The following CHST9 variants were observed in gnomAD, a reference collection of about 807,000 sequenced individuals.
CHST9 encodes the protein carbohydrate sulfotransferase 9.
In CHST9, 41 loss-of-function variants were observed where a neutral mutation model predicts 44.4. The observed-to-expected ratio is 0.92, with a 90% CI of 0.72 to 1.20. The LOEUF (loss-of-function observed/expected upper bound fraction) is 1.20. Among genes scored for constraint, CHST9 ranks in the 50% most tolerant of loss-of-function variants. The pLI is 0.00. For missense variants in CHST9, 504 were observed against 516.5 expected (o/e 0.98, Z 0.23); for synonymous variants, 171 against 178.4 (o/e 0.96, Z 0.33).
At chr18:27,088,957 C>CT (rs2058039836) in intron 2 of CHST9, among the ~76,000 whole-genome samples, 2 of 152,134 alleles carry the variant, frequency 1.3e-5, no homozygotes, top group Non-Finnish European at 2.9e-5. Context: ...GGAGAAAAGG[C>CT]TACCCTTCAG....
intron 4 of CHST9, among the ~76,000 whole-genome samples, chr18:26,972,340 G>C (rs1319517776): frequency 2.5e-5 from 3 of 119,480 alleles, no homozygotes; most frequent in African/African-American, 9.7e-5. Context: ...CCAGGTGACA[G>C]AGCAAGACTC....
At chr18:27,102,511 T>G (rs1380218915) in intron 2 of CHST9, among the ~76,000 whole-genome samples, 1 of 152,204 alleles carries the variant, frequency 6.6e-6, no homozygotes, top group Non-Finnish European at 1.5e-5. Flanking sequence ...ATTTACCCCA[T>G]CCTAAATGAT....
intron 1 of CHST9, among the ~76,000 whole-genome samples, chr18:27,177,246 T>G (rs1025159233): frequency 3.9e-5 from 6 of 152,018 alleles, no homozygotes; most frequent in African/African-American, 1.4e-4. Flanking sequence ...ATTACCCTCC[T>G]TCTAATCGAC....
intron 3 of CHST9, among the ~76,000 whole-genome samples, chr18:27,025,288 C>T (rs1417801375): frequency 6.6e-6 from 1 of 151,348 alleles, no homozygotes; most frequent in Non-Finnish European, 1.5e-5. Flanking sequence ...TTGACTAAAA[C>T]TTGAATGAGT....
At position 27,112,753 on chromosome 18, in the gene CHST9, A is replaced by C. The variant is rs374825274; in HGVS notation, c.121+29936T>G. 2.7e-3 allele frequency among the ~76,000 whole-genome samples: 409 copies of C among 152,176 alleles called. 1 individual carries two copies. Among genetic ancestry groups the C allele is most frequent in the South Asian group, 9.3e-3 (45 of 4,824 alleles). On this transcript the variant is annotated intron_variant, in intron 2 of 5. Transcript: ENST00000618847. ...TGTTAGTCATGCAGTCAAGAAGCAA[A>C]AAAAATAAAAATAAAAATGCTTAGA...
intron 3 of CHST9, among the ~76,000 whole-genome samples, chr18:27,027,888 C>T (rs1321633682): frequency 6.6e-6 from 1 of 152,058 alleles, no homozygotes; most frequent in Admixed American, 6.6e-5. Context: ...AATTCTATAG[C>T]CTTTATTTTA....
chr18:26,954,818 C>G (rs1598590934), intron 4 of CHST9, among the ~76,000 whole-genome samples: 1 of 151,974 alleles, frequency 6.6e-6, no homozygotes, highest in Non-Finnish European at 1.5e-5. Flanking sequence ...TGCTTGTTTC[C>G]TATTCTATAA....
rs550548325 is a variant in CHST9 at position 27,149,527 on chromosome 18, A to G, written c.-96-6622T>C. ...AAACATGTGCATGTGTCTTTATGAT[A>G]GAGTGATTTATATTACTGGGTATAT... On this transcript the variant is annotated intron_variant, in intron 1 of 5. Coordinates refer to ENST00000618847, the MANE Select transcript of CHST9 (RefSeq NM_031422.6). 7.2e-5 allele frequency among the ~76,000 whole-genome samples: 11 copies of G among 151,988 alleles called. No individual in the cohort carries two copies. In the South Asian group the frequency reaches 2.3e-3, roughly 32 times the overall value.
At position 27,100,992 on chromosome 18, in the gene CHST9, C is replaced by T. The variant is rs190080876; in HGVS notation, c.121+41697G>A. On this transcript the variant is annotated intron_variant, in intron 2 of 5. Transcript: ENST00000618847. Reference sequence around the variant, plus strand: ...GTTACATCTTGCTGTCTGTGAAGTACACTGCTTGCTTTAATGCTCCTTTTT... The same window carrying T: ...GTTACATCTTGCTGTCTGTGAAGTATACTGCTTGCTTTAATGCTCCTTTTT... Among the ~76,000 whole-genome samples the T allele has an allele frequency of 2.6e-5, 4 of 152,246 alleles. No individual in the cohort carries two copies. In the East Asian group the frequency reaches 7.7e-4, roughly 29 times the overall value.
In CHST9 at chr18:26,917,281, ATC is replaced by A. The variant is rs778510326; in HGVS notation, c.308_309del (p.Arg103IlefsTer3). On this transcript the variant is annotated frameshift_variant, in exon 6 of 6. Coordinates refer to ENST00000618847, the MANE Select transcript of CHST9 (RefSeq NM_031422.6). LOFTEE classifies it high-confidence loss of function. Reference sequence around the variant, plus strand: ...CTGGTCTTTGTTAAGAGCCTAGTAGATCTCTCAGAATTGAGTAGAAGATTTTC... The same window carrying A: ...CTGGTCTTTGTTAAGAGCCTAGTAGATCTCAGAATTGAGTAGAAGATTTTC... ...KKENLLLNSE[R>X]STRLLTKTSH... The A allele has an allele frequency of 5.6e-6, 9 of 1,613,570 alleles. No individual in the cohort carries two copies. The highest frequency in any genetic ancestry group is 7.6e-6 in the Non-Finnish European group (9 of 1,179,730).
chr18:26,978,055 G>A (rs1437608541), intron 4 of CHST9, among the ~76,000 whole-genome samples: 1 of 151,862 alleles, frequency 6.6e-6, no homozygotes, highest in Non-Finnish European at 1.5e-5. Context: ...GACATGCTTT[G>A]ATGATTCTCA....
Position 27,117,077 on chromosome 18 carries a change from T to G in CHST9, c.121+25612A>C, listed in dbSNP as rs142229566. Reference sequence around the variant, plus strand: ...TTACTTTTTAACTATACGTTTCATATGAAATTTTGATGATTCTTCCCTAAA... The same window carrying G: ...TTACTTTTTAACTATACGTTTCATAGGAAATTTTGATGATTCTTCCCTAAA... On this transcript the variant is annotated intron_variant, in intron 2 of 5. Transcript: ENST00000618847. 5.5e-4 allele frequency among the ~76,000 whole-genome samples: 83 copies of G among 151,958 alleles called. 1 individual carries two copies. The highest frequency in any genetic ancestry group is 1.7e-3 in the African/African-American group (70 of 41,490).
At chr18:26,928,520 TC>T (rs71169895) in intron 5 of CHST9, 65,162 of 152,038 alleles carry the variant, frequency 0.43, 14,414 homozygotes, top group East Asian at 0.71. Context: ...CATTTGTGGC[TC>T]CCTAGAATCA....
At position 26,912,388 on chromosome 18, in the gene CHST9, C is replaced by A. The variant is rs1051587276; in HGVS notation, c.*3871G>T. 6.6e-6 allele frequency: 1 copy of A among 151,552 alleles called. No individual in the cohort carries two copies. Among genetic ancestry groups the A allele is most frequent in the African/African-American group, 2.4e-5 (1 of 41,026 alleles). 9.4% of individuals were successfully genotyped at this position (151,552 alleles called of 1,614,324 possible). ...AACTAGCTAAATACACACACACACA[C>A]ACACACACACACACACACACACACA... On this transcript the variant is annotated 3_prime_UTR_variant, in exon 6 of 6. Coordinates refer to ENST00000618847, the MANE Select transcript of CHST9 (RefSeq NM_031422.6).
intron 5 of CHST9, among the ~76,000 whole-genome samples, chr18:26,929,943 A>T (rs1333593180): frequency 1.3e-5 from 2 of 152,114 alleles, no homozygotes; most frequent in Non-Finnish European, 2.9e-5. Context: ...GTCCAAAGCC[A>T]CCTGAGTCCT....
At chr18:27,176,046 T>C (rs1018873468) in intron 1 of CHST9, among the ~76,000 whole-genome samples, 3 of 151,970 alleles carry the variant, frequency 2.0e-5, no homozygotes, top group African/African-American at 7.2e-5. Context: ...TTTGTGTTTT[T>C]AGGGGATGGG....
chr18:27,045,433 G>C (rs1457180797), intron 3 of CHST9, among the ~76,000 whole-genome samples: 3 of 151,928 alleles, frequency 2.0e-5, no homozygotes, highest in South Asian at 4.1e-4. Flanking sequence ...CTTCTGATGA[G>C]ATAAAGGTAC....
Position 26,915,251 on chromosome 18 carries a change from T to C in CHST9, c.*1008A>G. 1 of 332,726 alleles carries C rather than the reference T, an allele frequency of 3.0e-6. No homozygotes were observed. The highest frequency in any genetic ancestry group is 5.4e-6 in the Non-Finnish European group (1 of 186,272). 20.6% of individuals were successfully genotyped at this position (332,726 alleles called of 1,614,324 possible). ...ACCTATCTTTGAAGTGGTATATTAG[T>C]TTTTAAAAAGTCATTCCTAAGCTGA... On this transcript the variant is annotated 3_prime_UTR_variant, in exon 6 of 6. Transcript: ENST00000618847.
At chr18:27,123,836 T>A (rs1468547076) in intron 2 of CHST9, among the ~76,000 whole-genome samples, 1 of 152,162 alleles carries the variant, frequency 6.6e-6, no homozygotes, top group Non-Finnish European at 1.5e-5. Context: ...CTCCATCTTA[T>A]ACTGGGCCAA....
Sources: allele counts gnomAD v4.1 joint callset (sites outside exome capture counted in the v4.1 genomes callset), GRCh38; gene constraint gnomAD v4.1.1; transcripts MANE v1.5; gene names NCBI Gene and HGNC (gene_info 2026-07-23, HGNC 2026-07-21).